Variants in NXPH2 observed in about 807,000 individuals in gnomAD.
NXPH2 encodes the protein neurexophilin-2.
NXPH2 carries 5 observed loss-of-function variants against 19.8 expected under a neutral mutation model. The ratio of observed to expected loss-of-function variants is 0.25; its 90% CI spans 0.13 to 0.53. NXPH2 has a LOEUF of 0.53. Ranked by LOEUF, NXPH2 falls within the 20% of genes least tolerant of loss-of-function variation. The pLI is 0.96. For synonymous variants in NXPH2, 154 were observed against 127.4 expected, an observed-to-expected ratio of 1.21 and a Z score of -1.41; for missense variants, 289 against 322.8, an observed-to-expected ratio of 0.90 and a Z score of 0.80.
chr2:138,746,573 C>G (rs1041323722), intron 1 of NXPH2, among the ~76,000 whole-genome samples: 1 of 152,198 alleles, frequency 6.6e-6, no homozygotes, highest in East Asian at 1.9e-4. Flanking sequence ...CCCAAAACTG[C>G]CACAATGGAT....
chr2:138,735,774 GAACCTGT>G (rs1394629718), intron 1 of NXPH2, among the ~76,000 whole-genome samples: 7 of 152,182 alleles, frequency 4.6e-5, no homozygotes, highest in Non-Finnish European at 4.4e-5. Flanking sequence ...TTCTGCCTAT[GAACCTGT>G]AAAATCAAAA....
At chr2:138,735,066 T>C (rs899537438) in intron 1 of NXPH2, among the ~76,000 whole-genome samples, 3 of 152,082 alleles carry the variant, frequency 2.0e-5, no homozygotes, top group Admixed American at 6.6e-5. Context: ...TTATATTGGG[T>C]AATAAGCATA....
At chr2:138,734,816 G>T (rs1276803667) in intron 1 of NXPH2, among the ~76,000 whole-genome samples, 1 of 152,158 alleles carries the variant, frequency 6.6e-6, no homozygotes, top group Non-Finnish European at 1.5e-5. Context: ...GATGCAATAT[G>T]GTGAGCATGG....
chr2:138,741,015 C>T (rs1174437496), intron 1 of NXPH2, among the ~76,000 whole-genome samples: 3 of 151,876 alleles, frequency 2.0e-5, no homozygotes. Flanking sequence ...GGGACAATCC[C>T]CTTGCTTCCC....
intron 1 of NXPH2, among the ~76,000 whole-genome samples, chr2:138,693,218 G>C (rs1680770562): frequency 6.6e-6 from 1 of 152,136 alleles, no homozygotes; most frequent in Non-Finnish European, 1.5e-5. Flanking sequence ...GAAAGCTAAA[G>C]AATGTAACTG....
chr2:138,671,236 C>T lies in NXPH2; in HGVS notation c.481G>A (p.Val161Ile), dbSNP rs1471330637. The T allele has an allele frequency of 6.2e-7, 1 of 1,613,620 alleles. No individual in the cohort carries two copies. The highest frequency in any genetic ancestry group is 8.5e-7 in the Non-Finnish European group (1 of 1,179,752). The change falls in exon 2 of 2, where the codon GTA becomes ATA. Residue 161 changes from valine (V) to isoleucine (I), a missense_variant. Physicochemically the swap from Val to Ile is conservative, Grantham distance 29. Transcript: ENST00000272641. ...AATTCCACCACCTTGGAGGGTGGTA[C>T]CAAGCTCACTGAAACATTGCCCAGG... is the stretch of plus-strand genomic sequence containing the variant. ...TGLGNVSVSL[V>I]PPSKVVEFEV...
chr2:138,695,520 T>C (rs1438799406), intron 1 of NXPH2, among the ~76,000 whole-genome samples: 1 of 152,200 alleles, frequency 6.6e-6, no homozygotes, highest in Non-Finnish European at 1.5e-5. Flanking sequence ...CAAATAAATC[T>C]ATATATTCAT....
intron 1 of NXPH2, among the ~76,000 whole-genome samples, chr2:138,710,769 C>T (rs1244619735): frequency 6.6e-6 from 1 of 152,342 alleles, no homozygotes; most frequent in African/African-American, 2.4e-5. Context: ...ACTCTCCTAA[C>T]ATAACCTTGA....
intron 1 of NXPH2, among the ~76,000 whole-genome samples, chr2:138,709,997 T>G (rs915343062): frequency 6.6e-6 from 1 of 152,244 alleles, no homozygotes; most frequent in African/African-American, 2.4e-5. Flanking sequence ...CACAATATTG[T>G]GCAACCATCA....
At chr2:138,741,976 G>A (rs1681650305) in intron 1 of NXPH2, among the ~76,000 whole-genome samples, 1 of 152,138 alleles carries the variant, frequency 6.6e-6, no homozygotes, top group South Asian at 2.1e-4. Context: ...TGAGCATATT[G>A]CTCTCTATTT....
intron 1 of NXPH2, among the ~76,000 whole-genome samples, chr2:138,727,898 T>C (rs1309478986): frequency 6.6e-6 from 1 of 152,172 alleles, no homozygotes; most frequent in Non-Finnish European, 1.5e-5. Flanking sequence ...CATTACTCCA[T>C]GAATGAAAAT....
intron 1 of NXPH2, among the ~76,000 whole-genome samples, chr2:138,722,382 G>C (rs564721188): frequency 2.8e-4 from 42 of 152,342 alleles, no homozygotes; most frequent in African/African-American, 9.4e-4. Flanking sequence ...GCTGGGCTTG[G>C]GGGAAGGAAA....
chr2:138,763,312 T>G (rs1682046527), intron 1 of NXPH2, among the ~76,000 whole-genome samples: 1 of 152,168 alleles, frequency 6.6e-6, no homozygotes, highest in Non-Finnish European at 1.5e-5. Flanking sequence ...GCCTAAATTC[T>G]TATTTTCATA....
intron 1 of NXPH2, among the ~76,000 whole-genome samples, chr2:138,753,700 G>T (rs1372561018): frequency 6.6e-6 from 1 of 152,064 alleles, no homozygotes; most frequent in Non-Finnish European, 1.5e-5. Context: ...TCACCAAATA[G>T]ATCACTGTAG....
At chr2:138,673,634 AT>A (rs907307634) in intron 1 of NXPH2, among the ~76,000 whole-genome samples, 3 of 151,756 alleles carry the variant, frequency 2.0e-5, no homozygotes, top group Non-Finnish European at 2.9e-5. Flanking sequence ...ATTTAAAAAA[AT>A]GGGATTAATT....
intron 1 of NXPH2, among the ~76,000 whole-genome samples, chr2:138,697,136 T>C (rs1350775793): frequency 6.6e-6 from 1 of 152,186 alleles, no homozygotes; most frequent in Non-Finnish European, 1.5e-5. Context: ...AAAACTCATC[T>C]ATAGGCAGAT....
At chr2:138,686,773 T>TC (rs1680662385) in intron 1 of NXPH2, among the ~76,000 whole-genome samples, 1 of 152,098 alleles carries the variant, frequency 6.6e-6, no homozygotes, top group Non-Finnish European at 1.5e-5. Context: ...CATTGTTCAA[T>TC]TCCCACCTAT....
intron 1 of NXPH2, among the ~76,000 whole-genome samples, chr2:138,692,280 C>A (rs1012129985): frequency 6.6e-6 from 1 of 152,212 alleles, no homozygotes; most frequent in African/African-American, 2.4e-5. Flanking sequence ...GTCACATTGT[C>A]ACTGCTGGTA....
intron 1 of NXPH2, among the ~76,000 whole-genome samples, chr2:138,712,282 A>G (rs1337756830): frequency 1.3e-5 from 2 of 152,220 alleles, no homozygotes; most frequent in East Asian, 3.8e-4. Flanking sequence ...CTGAACCAGA[A>G]GCCAATTTAG....
Sources: gnomAD v4.1 joint callset for allele counts (sites outside exome capture counted in the v4.1 genomes callset) on GRCh38, gnomAD v4.1.1 for gene constraint, MANE v1.5 for transcripts, NCBI Gene and HGNC (gene_info 2026-07-23, HGNC 2026-07-21) for gene names.